Variants in ADAMTS20 observed in about 807,000 individuals in gnomAD.
The protein encoded by ADAMTS20 is ADAM metallopeptidase with thrombospondin type 1 motif 20, also known as A disintegrin and metalloproteinase with thrombospondin motifs 20.
A neutral mutation model predicts 260.1 loss-of-function variants in ADAMTS20; 225 were observed. That is an observed-to-expected ratio of 0.87 (90% CI 0.78 to 0.97). The LOEUF is 0.97. ADAMTS20 is among the 50% of genes least tolerant of loss of function. The pLI is 0.00. For missense variants in ADAMTS20, 2,400 were observed against 2,337.7 expected (o/e 1.03, Z -0.55); for synonymous variants, 802 against 769.5 (o/e 1.04, Z -0.70).
intron 4 of ADAMTS20, among the ~76,000 whole-genome samples, chr12:43,501,055 CTTTTT>C (rs79075751): frequency 1.2e-3 from 127 of 104,864 alleles, no homozygotes; most frequent in African/African-American, 1.5e-3. Flanking sequence ...CTATGTAATT[CTTTTT>C]TTTTTTTTTT....
At chr12:43,466,893 T>C (rs1942164596) in intron 8 of ADAMTS20, 98 bp from the exon 9 acceptor site, 3 of 882,794 alleles carry the variant, frequency 3.4e-6, no homozygotes, top group East Asian at 2.8e-5. Flanking sequence ...ATATAAAATA[T>C]AGATAAATCT....
At chr12:43,544,649 T>C (rs1051267197) in intron 2 of ADAMTS20, among the ~76,000 whole-genome samples, 28 of 152,180 alleles carry the variant, frequency 1.8e-4, no homozygotes, top group Admixed American at 1.6e-3. Context: ...AAGGACATTC[T>C]ATACAGAGAG....
intron 29 of ADAMTS20, among the ~76,000 whole-genome samples, chr12:43,385,243 C>T (rs2137229843): frequency 6.6e-6 from 1 of 152,286 alleles, no homozygotes; most frequent in South Asian, 2.1e-4. Context: ...TTGTTGGCCC[C>T]ATAAATGTCT....
Position 43,357,144 on chromosome 12 carries a change from T to C in ADAMTS20, c.5539-556A>G, listed in dbSNP as rs145556723. 7.9e-3 allele frequency among the ~76,000 whole-genome samples: 1,197 copies of C among 152,318 alleles called. 15 individuals are homozygous for C. Among genetic ancestry groups the C allele is most frequent in the Middle Eastern group, 0.017 (5 of 294 alleles). ...TTTTATGTCAAAATACTTCAGACTA[T>C]CTTTGTTAACAGTTAAATTGTAAAT... On this transcript the variant is annotated intron_variant, in intron 37 of 38. Coordinates refer to ENST00000389420, the MANE Select transcript of ADAMTS20 (RefSeq NM_025003.5).
chr12:43,368,820 C>T (rs74811013), intron 37 of ADAMTS20, among the ~76,000 whole-genome samples: 7,878 of 151,972 alleles, frequency 0.052, 680 homozygotes, highest in African/African-American at 0.18. Flanking sequence ...GAAGAGAACT[C>T]TAGAAATAAA....
chr12:43,446,745 A>C, intron 14 of ADAMTS20, 33 bp from the exon 15 acceptor site: 1 of 1,529,474 alleles, frequency 6.5e-7, no homozygotes, highest in East Asian at 2.3e-5. Context: ...ATATTATAAG[A>C]ATGACTAATT....
intron 28 of ADAMTS20, among the ~76,000 whole-genome samples, chr12:43,415,563 T>C (rs1322488455): frequency 6.6e-6 from 1 of 152,214 alleles, no homozygotes; most frequent in Non-Finnish European, 1.5e-5. Flanking sequence ...TCACAGGCCC[T>C]ATTTCAACCA....
intron 7 of ADAMTS20, among the ~76,000 whole-genome samples, chr12:43,480,086 G>A (rs1335097186): frequency 6.6e-6 from 1 of 152,070 alleles, no homozygotes; most frequent in African/African-American, 2.4e-5. Flanking sequence ...ATATATTTAA[G>A]AAGACATAAA....
Position 43,454,041 on chromosome 12 carries a change from A to G in ADAMTS20, c.1626T>C (p.His542=). Residue 542 remains histidine (H), a synonymous_variant, in exon 12 of 39, where the codon CAT becomes CAC. Transcript: ENST00000389420. ...CCGTTTCTTTGTTTACACATAGCCCATGACGGCAATGCTATAAAAATAATA... is the reference window on the plus strand; with the variant it reads ...CCGTTTCTTTGTTTACACATAGCCCGTGACGGCAATGCTATAAAAATAATA... ...TDCGPGMHCR[H]GLCVNKETET... is the part of the protein sequence containing the mutation. 2 of 1,612,608 alleles carry G rather than the reference A, an allele frequency of 1.2e-6. No homozygotes were observed. The highest frequency in any genetic ancestry group is 1.7e-4 in the Middle Eastern group (1 of 6,056).
In ADAMTS20 at chr12:43,364,684, AAAG is replaced by A. The variant is rs1466652775; in HGVS notation, c.5538+4603_5538+4605del. Among the ~76,000 whole-genome samples the A allele has an allele frequency of 9.9e-5, 15 of 152,236 alleles. No individual in the cohort carries two copies. The East Asian group carries it at 2.7e-3, about 27-fold the overall frequency. The stretch of plus-strand genomic sequence containing the variant: ...TGCAATCTGAAGAACAGAGAGGAAA[AAAG>A]AAGAAGAAAAATGAATAGGGCCTCA... On this transcript the variant is annotated intron_variant, in intron 37 of 38. Transcript: ENST00000389420.
chr12:43,353,316 C>T (rs187493453), downstream of ADAMTS20, among the ~76,000 whole-genome samples: 3 of 151,550 alleles, frequency 2.0e-5, no homozygotes, highest in East Asian at 3.9e-4. Context: ...TTTATGTTTA[C>T]CAAAATAAGA....
rs546403774 is a variant in ADAMTS20 at position 43,478,435 on chromosome 12, C to T, written c.1118-9730G>A. On this transcript the variant is annotated intron_variant, in intron 7 of 38. Coordinates refer to ENST00000389420, the MANE Select transcript of ADAMTS20 (RefSeq NM_025003.5). ...CTAATACAGATGTAGTAGAATCCCACGGTGAAAACAGATAAAATAATAGGA... is the reference window on the plus strand; with the variant it reads ...CTAATACAGATGTAGTAGAATCCCATGGTGAAAACAGATAAAATAATAGGA... Among the ~76,000 whole-genome samples the T allele has an allele frequency of 2.9e-4, 44 of 151,632 alleles. 1 individual carries two copies. The highest frequency in any genetic ancestry group is 1.6e-3 in the Admixed American group (25 of 15,224).
intron 38 of ADAMTS20, among the ~76,000 whole-genome samples, chr12:43,355,349 CCAGT>C (rs1274723128): frequency 1.3e-5 from 2 of 152,116 alleles, no homozygotes; most frequent in Admixed American, 1.3e-4. Flanking sequence ...CTGGATTTTA[CCAGT>C]CAGTTTCACA....
chr12:43,382,646 AAGATGTT>A (rs1276810937), intron 31 of ADAMTS20, among the ~76,000 whole-genome samples: 4 of 152,296 alleles, frequency 2.6e-5, no homozygotes, highest in Admixed American at 1.3e-4. Flanking sequence ...TGTCCAGAAG[AAGATGTT>A]AAAAAGATAA....
chr12:43,440,193 G>A (rs575806473), intron 16 of ADAMTS20, 124 bp from the exon 17 acceptor site: 18 of 705,564 alleles, frequency 2.6e-5, no homozygotes, highest in East Asian at 2.5e-4. Context: ...TCCCAGGCTG[G>A]AGTACAGTGG....
intron 28 of ADAMTS20, among the ~76,000 whole-genome samples, chr12:43,402,716 CT>C (rs577699878): frequency 3.1e-4 from 47 of 152,102 alleles, no homozygotes; most frequent in African/African-American, 9.1e-4. Flanking sequence ...CAGCAATCTG[CT>C]GTTTTTTTCC....
intron 28 of ADAMTS20, among the ~76,000 whole-genome samples, chr12:43,400,020 C>T (rs975666402): frequency 2.6e-5 from 4 of 151,932 alleles, no homozygotes; most frequent in Non-Finnish European, 5.9e-5. Context: ...ATTTATAAAA[C>T]ATGAGTAGTA....
At chr12:43,455,711 CTTT>C (rs35614063) in intron 11 of ADAMTS20, among the ~76,000 whole-genome samples, 5 of 143,414 alleles carry the variant, frequency 3.5e-5, no homozygotes, top group Non-Finnish European at 3.1e-5. Context: ...TTGCTTTCAT[CTTT>C]TTTTTTTTTT....
intron 29 of ADAMTS20, among the ~76,000 whole-genome samples, chr12:43,387,997 T>C (rs1255028678): frequency 6.6e-6 from 1 of 152,096 alleles, no homozygotes; most frequent in Non-Finnish European, 1.5e-5. Context: ...AGCTAGACCA[T>C]GTGGCTGTCT....
Sources: allele counts gnomAD v4.1 joint callset (sites outside exome capture counted in the v4.1 genomes callset), GRCh38; gene constraint gnomAD v4.1.1; transcripts MANE v1.5; gene names NCBI Gene and HGNC (gene_info 2026-07-23, HGNC 2026-07-21).